NDFIP2: variants seen among roughly 807,000 people sequenced by gnomAD.
The protein encoded by NDFIP2 is Nedd4 family interacting protein 2.
In NDFIP2, 19 loss-of-function variants were observed where a neutral mutation model predicts 36.0. The ratio of observed to expected loss-of-function variants is 0.53; its 90% CI spans 0.37 to 0.77. The LOEUF is 0.77. Ranked by LOEUF, NDFIP2 falls within the 30% of genes least tolerant of loss-of-function variation. The pLI is 0.00. For missense variants in NDFIP2, 446 were observed against 435.8 expected (o/e 1.02, Z -0.21); for synonymous variants, 181 against 167.7 (o/e 1.08, Z -0.61).
intron 4 of NDFIP2, 64 bp downstream of exon 4, chr13:79,539,839 A>G: frequency 2.2e-6 from 3 of 1,346,870 alleles, no homozygotes; most frequent in East Asian, 2.3e-5. Context: ...GTATTAAAGT[A>G]ACATAGTGAA....
At chr13:79,531,110 A>C (rs1465270130) in intron 2 of NDFIP2, among the ~76,000 whole-genome samples, 1 of 152,216 alleles carries the variant, frequency 6.6e-6, no homozygotes, top group East Asian at 1.9e-4. Context: ...CTTAGTAGGC[A>C]TGAAAACACC....
chr13:79,521,520 A>G lies in NDFIP2; in HGVS notation c.487+545A>G, dbSNP rs116880141. On this transcript the variant is annotated intron_variant, in intron 2 of 7. Transcript: ENST00000218652. Reference sequence around the variant, plus strand: ...AAATAAATTCTAAATAACTTCTCTAAATATTTTATATACTCATTATGAAAC... The same window carrying G: ...AAATAAATTCTAAATAACTTCTCTAGATATTTTATATACTCATTATGAAAC... Among the ~76,000 whole-genome samples the G allele has an allele frequency of 2.0e-3, 304 of 152,218 alleles. 3 individuals are homozygous for G. Among genetic ancestry groups the G allele is most frequent in the Middle Eastern group, 0.017 (5 of 294 alleles).
chr13:79,548,140 A>G (rs77206789), intron 5 of NDFIP2, among the ~76,000 whole-genome samples, 188 bp from the exon 6 acceptor site: 3 of 152,012 alleles, frequency 2.0e-5, no homozygotes, highest in African/African-American at 7.2e-5. Context: ...ATTGCATAAG[A>G]TGATTTTTTC....
At chr13:79,494,502 C>A (rs1349103071) in intron 1 of NDFIP2, among the ~76,000 whole-genome samples, 4 of 151,644 alleles carry the variant, frequency 2.6e-5, no homozygotes, top group Admixed American at 2.6e-4. Flanking sequence ...CCAAAACTTA[C>A]TTTTCATGTT....
chr13:79,521,523 A>G (rs181394659), intron 2 of NDFIP2, among the ~76,000 whole-genome samples: 166 of 152,268 alleles, frequency 1.1e-3, no homozygotes, highest in Middle Eastern at 3.4e-3. Context: ...TTCTCTAAAT[A>G]TTTTATATAC....
At position 79,554,846 on chromosome 13, in the gene NDFIP2, A is replaced by T. The variant is rs537711475; in HGVS notation, c.*2333A>T. The T allele has an allele frequency of 6.6e-6, 1 of 151,992 alleles. No homozygotes were observed. The highest frequency in any genetic ancestry group is 1.5e-5 in the Non-Finnish European group (1 of 67,892). The allele number at this position is 151,992 out of a possible 1,614,324, so 9.4% of individuals were successfully genotyped here. On this transcript the variant is annotated 3_prime_UTR_variant, in exon 8 of 8. Transcript: ENST00000218652. ...TGGGGATTGGAAGTTAATACAAAAAAATTTCAAATTATTTCTATTGTAAAT... is the reference window on the plus strand; with the variant it reads ...TGGGGATTGGAAGTTAATACAAAAATATTTCAAATTATTTCTATTGTAAAT...
rs1161227318 is a variant in NDFIP2, at chr13:79,481,333, A to G, written c.130A>G (p.Thr44Ala). The change falls in exon 1 of 8, where the codon ACA (threonine) becomes GCA (alanine). Residue 44 changes from threonine (T) to alanine (A), a missense_variant. Coordinates refer to ENST00000218652, the MANE Select transcript of NDFIP2 (RefSeq NM_019080.3). ...GGTCTCGGCGGCCGCTGCGGGAGCC[A>G]CAGGAAGTGAAGAGCTTCCGCCGGG... ...AEVSAAAAGA[T>A]GSEELPPGDR... 6 of 1,547,086 alleles carry G rather than the reference A, an allele frequency of 3.9e-6. No individual in the cohort carries two copies. Among genetic ancestry groups the G allele is most frequent in the Non-Finnish European group, 5.2e-6 (6 of 1,147,212 alleles).
chr13:79,524,164 A>G (rs998277625), intron 2 of NDFIP2, among the ~76,000 whole-genome samples: 1 of 152,018 alleles, frequency 6.6e-6, no homozygotes, highest in Non-Finnish European at 1.5e-5. Flanking sequence ...TAATTCTTCC[A>G]TATCCTCATT....
intron 2 of NDFIP2, among the ~76,000 whole-genome samples, chr13:79,521,806 A>G (rs1023296884): frequency 1.5e-5 from 2 of 133,678 alleles, no homozygotes; most frequent in African/African-American, 5.5e-5. Flanking sequence ...TACTCCTTTT[A>G]TTTGGTTTTC....
intron 2 of NDFIP2, among the ~76,000 whole-genome samples, chr13:79,524,868 A>G (rs946063199): frequency 2.0e-5 from 3 of 152,128 alleles, no homozygotes; most frequent in African/African-American, 4.8e-5. Context: ...ACCTGAGTTA[A>G]TCTGTCCTTC....
intron 1 of NDFIP2, among the ~76,000 whole-genome samples, chr13:79,503,282 C>T (rs73551562): frequency 0.043 from 6,533 of 152,112 alleles, 486 homozygotes; most frequent in African/African-American, 0.15. Context: ...GTGGCAGCCA[C>T]CTACATAGTC....
intron 4 of NDFIP2, among the ~76,000 whole-genome samples, chr13:79,540,961 C>T (rs925507442): frequency 6.6e-6 from 1 of 152,140 alleles, no homozygotes; most frequent in Admixed American, 6.6e-5. Flanking sequence ...CAAATGAGTG[C>T]TGTTTTGTAA....
At chr13:79,483,576 A>G (rs2079827555) in intron 1 of NDFIP2, among the ~76,000 whole-genome samples, 1 of 152,166 alleles carries the variant, frequency 6.6e-6, no homozygotes, top group African/African-American at 2.4e-5. Flanking sequence ...AGGGATGACT[A>G]AGTCAGGAGA....
chr13:79,501,362 C>T (rs1328903574), intron 1 of NDFIP2, among the ~76,000 whole-genome samples: 2 of 151,756 alleles, frequency 1.3e-5, no homozygotes, highest in Admixed American at 6.6e-5. Context: ...AATGTATCAC[C>T]GATGGGGGAT....
intron 3 of NDFIP2, 72 bp downstream of exon 3, chr13:79,533,528 A>ATGT: frequency 7.2e-7 from 1 of 1,392,732 alleles, no homozygotes; most frequent in Non-Finnish European, 9.6e-7. Flanking sequence ...GTAATACTAA[A>ATGT]AACAGTTCTT....
intron 1 of NDFIP2, among the ~76,000 whole-genome samples, chr13:79,491,898 G>A (rs1032313083): frequency 1.3e-5 from 2 of 152,166 alleles, no homozygotes; most frequent in African/African-American, 2.4e-5. Context: ...TGTTAAAGAC[G>A]TGCCAAATGC....
intron 1 of NDFIP2, among the ~76,000 whole-genome samples, chr13:79,506,017 G>A (rs950536020): frequency 6.6e-6 from 1 of 152,114 alleles, no homozygotes; most frequent in Admixed American, 6.5e-5. Flanking sequence ...TGATGATCTT[G>A]TTTATCATCA....
intron 2 of NDFIP2, among the ~76,000 whole-genome samples, chr13:79,528,336 CTG>C (rs1263884889): frequency 6.6e-6 from 1 of 152,042 alleles, no homozygotes; most frequent in African/African-American, 2.4e-5. Context: ...TTTTTGTACA[CTG>C]TACAATGTGT....
In NDFIP2 at chr13:79,553,418, T is replaced by C. The variant is rs966959489; in HGVS notation, c.*905T>C. On this transcript the variant is annotated 3_prime_UTR_variant, in exon 8 of 8. Transcript: ENST00000218652. ...GAGATCTTGCAGGAAGAGATTGTAT[T>C]AGATATTATATTTATTTCATTTAAG... 6.6e-6 allele frequency: 1 copy of C among 151,428 alleles called. No individual in the cohort carries two copies. The highest frequency in any genetic ancestry group is 1.9e-4 in the East Asian group (1 of 5,204). 9.4% of individuals were successfully genotyped at this position (151,428 alleles called of 1,614,324 possible).
Sources: gnomAD v4.1 joint callset for allele counts (sites outside exome capture counted in the v4.1 genomes callset) on GRCh38, gnomAD v4.1.1 for gene constraint, MANE v1.5 for transcripts, NCBI Gene and HGNC (gene_info 2026-07-23, HGNC 2026-07-21) for gene names.